The following SEMA6A variants were observed in gnomAD, a reference collection of about 807,000 sequenced individuals.
SEMA6A encodes semaphorin-6A.
In SEMA6A, 25 loss-of-function variants were observed where a neutral mutation model predicts 96.8. The ratio of observed to expected loss-of-function variants is 0.26; its 90% confidence interval spans 0.19 to 0.36. SEMA6A has a LOEUF of 0.36. SEMA6A is among the 10% of genes least tolerant of loss of function. The probability of loss-of-function intolerance (pLI) is 1.00; values close to 1 mark genes in which losing one functional copy is unlikely to be tolerated. For synonymous variants in SEMA6A, 612 were observed against 518.0 expected (o/e 1.18, Z -2.46); for missense variants, 1,363 against 1,323.1 (o/e 1.03, Z -0.47).
At chr5:116,501,237 C>T (rs1307501196) in intron 3 of SEMA6A, among the ~76,000 whole-genome samples, 1 of 152,152 alleles carries the variant, frequency 6.6e-6, no homozygotes, top group Non-Finnish European at 1.5e-5. Flanking sequence ...GCAGAGGATA[C>T]TTATGGCCAG....
At chr5:116,488,592 T>C (rs1757177949) in intron 8 of SEMA6A, among the ~76,000 whole-genome samples, 1 of 152,186 alleles carries the variant, frequency 6.6e-6, no homozygotes, top group East Asian at 1.9e-4. Context: ...CATGAATACA[T>C]TGTTCAGTTC....
intron 1 of SEMA6A, among the ~76,000 whole-genome samples, chr5:116,559,546 C>T (rs1445883529): frequency 6.6e-6 from 1 of 152,172 alleles, no homozygotes; most frequent in East Asian, 1.9e-4. Flanking sequence ...CGCGTTACTC[C>T]ACACCGCCTT....
intron 18 of SEMA6A, among the ~76,000 whole-genome samples, chr5:116,455,554 G>C (rs577195513): frequency 2.0e-5 from 3 of 152,140 alleles, no homozygotes; most frequent in East Asian, 3.9e-4. Flanking sequence ...CTCTCAAAAG[G>C]CATCAAAGCC....
chr5:116,478,266 TG>T, intron 13 of SEMA6A, 112 bp from the exon 14 acceptor site: 1 of 1,291,700 alleles, frequency 7.7e-7, no homozygotes, highest in Non-Finnish European at 1.1e-6. Context: ...TAACTGGCGG[TG>T]AAACAAACAA....
chr5:116,464,516 A>G (rs1013080281), intron 18 of SEMA6A, among the ~76,000 whole-genome samples: 1 of 152,186 alleles, frequency 6.6e-6, no homozygotes, highest in African/African-American at 2.4e-5. Context: ...GTCTCTTCTC[A>G]CGCTTTGTTA....
Position 116,521,826 on chromosome 5 carries a change from A to G in SEMA6A, c.-38-16844T>C, listed in dbSNP as rs1355856420. On this transcript the variant is annotated intron_variant, in intron 1 of 18. Transcript: ENST00000343348. The stretch of plus-strand genomic sequence containing the variant: ...TGTTTCTGAGAAAAACATTTAAAAC[A>G]AAGACTGACTACCCTTTCACTAACA... Among the ~76,000 whole-genome samples, 3 of 151,816 alleles carry G rather than the reference A, an allele frequency of 2.0e-5. No homozygotes were observed. In the East Asian group the frequency reaches 5.8e-4, roughly 29 times the overall value.
intron 1 of SEMA6A, among the ~76,000 whole-genome samples, chr5:116,573,445 G>A (rs1761320878): frequency 6.6e-6 from 1 of 152,144 alleles, no homozygotes; most frequent in African/African-American, 2.4e-5. Flanking sequence ...TGGGAGCTGC[G>A]GCGGGGGACA....
At chr5:116,516,628 T>C (rs1758679285) in intron 1 of SEMA6A, among the ~76,000 whole-genome samples, 1 of 152,206 alleles carries the variant, frequency 6.6e-6, no homozygotes, top group African/African-American at 2.4e-5. Flanking sequence ...TCAGTTTGAA[T>C]TGTGGTGGAG....
At chr5:116,524,231 G>T (rs536193794) in intron 1 of SEMA6A, among the ~76,000 whole-genome samples, 1 of 152,232 alleles carries the variant, frequency 6.6e-6, no homozygotes, top group East Asian at 1.9e-4. Flanking sequence ...TGTGAATACT[G>T]CACGAGGAAG....
In SEMA6A at chr5:116,447,383, G is replaced by A; in HGVS notation, c.2323C>T (p.Arg775Cys). The change falls in exon 19 of 19, where the codon CGC becomes TGC. Residue 775 changes from arginine to cysteine, a missense_variant. By Grantham distance (180) the Arg-to-Cys change is radical (BLOSUM62 -3). Transcript: ENST00000343348. Reference sequence around the variant, plus strand: ...AGGTTCTGGTTCCTCTCCCACTCGCGGCTGCCGCGGCTGGGCTTCCGCTTC... The same window carrying A: ...AGGTTCTGGTTCCTCTCCCACTCGCAGCTGCCGCGGCTGGGCTTCCGCTTC... ...QQKRKPSRGS[R>C]EWERNQNLIN... The A allele has an allele frequency of 6.2e-7, 1 of 1,614,018 alleles. No individual in the cohort carries two copies. Among genetic ancestry groups the A allele is most frequent in the Non-Finnish European group, 8.5e-7 (1 of 1,179,900 alleles).
At chr5:116,552,140 C>T (rs964552817) in intron 1 of SEMA6A, among the ~76,000 whole-genome samples, 4 of 152,222 alleles carry the variant, frequency 2.6e-5, no homozygotes, top group African/African-American at 9.6e-5. Flanking sequence ...GAGCTATAGG[C>T]TTGTTCTTGC....
intron 1 of SEMA6A, among the ~76,000 whole-genome samples, chr5:116,519,963 G>C (rs974912149): frequency 6.6e-6 from 1 of 152,092 alleles, no homozygotes; most frequent in African/African-American, 2.4e-5. Flanking sequence ...TAGAAACATA[G>C]ATCATGTTAT....
At chr5:116,567,399 A>C (rs1313071670) in intron 1 of SEMA6A, among the ~76,000 whole-genome samples, 1 of 152,176 alleles carries the variant, frequency 6.6e-6, no homozygotes, top group East Asian at 1.9e-4. Flanking sequence ...CCTGCCCCCC[A>C]GAATAAAAGT....
At chr5:116,497,110 G>T (rs1049512216) in intron 4 of SEMA6A, among the ~76,000 whole-genome samples, 4 of 152,178 alleles carry the variant, frequency 2.6e-5, no homozygotes, top group African/African-American at 9.7e-5. Context: ...AAATGTATAT[G>T]TACACATATA....
intron 1 of SEMA6A, among the ~76,000 whole-genome samples, chr5:116,539,588 T>TGC (rs1759872360): frequency 3.5e-5 from 5 of 143,872 alleles, no homozygotes; most frequent in Admixed American, 3.4e-4. Context: ...AATAATTCTG[T>TGC]GCGTGTGTGT....
chr5:116,546,465 TTCAG>T (rs1419425131), intron 1 of SEMA6A, among the ~76,000 whole-genome samples: 2 of 152,252 alleles, frequency 1.3e-5, no homozygotes, highest in African/African-American at 4.8e-5. Context: ...CATGTGTTCC[TTCAG>T]TCAGTGTCTC....
rs1308246031 is a variant in SEMA6A at position 116,446,823 on chromosome 5, G to A, written c.2883C>T (p.Pro961=). 2.2e-5 allele frequency: 35 copies of A among 1,613,850 alleles called. No homozygotes were observed. Among genetic ancestry groups the A allele is most frequent in the Middle Eastern group, 1.6e-4 (1 of 6,062 alleles). The stretch of plus-strand genomic sequence containing the variant: ...GGATGGAGTCCACCCTCTGCGGGGC[G>A]GGCGGCGGGTTGTCTCCCCTGCCAA... ...QSFGRGDNPP[P]APQRVDSIQV... Residue 961 remains proline, a synonymous_variant, in exon 19 of 19, where the codon CCC becomes CCT. Coordinates refer to ENST00000343348, the MANE Select transcript of SEMA6A (RefSeq NM_020796.5).
chr5:116,477,768 G>A (rs2112685086), intron 15 of SEMA6A, 78 bp downstream of exon 15: 4 of 1,400,118 alleles, frequency 2.9e-6, no homozygotes, highest in South Asian at 1.2e-5. Flanking sequence ...TGGTGTGTGT[G>A]AGCAGAGCAA....
chr5:116,450,296 A>T (rs529527550), intron 18 of SEMA6A, among the ~76,000 whole-genome samples: 1 of 152,316 alleles, frequency 6.6e-6, no homozygotes, highest in East Asian at 1.9e-4. Flanking sequence ...GTATTTCATG[A>T]AACCCTTCCA....
Sources: allele counts gnomAD v4.1 joint callset (sites outside exome capture counted in the v4.1 genomes callset), GRCh38; gene constraint gnomAD v4.1.1; transcripts MANE v1.5; gene names NCBI Gene and HGNC (gene_info 2026-07-23, HGNC 2026-07-21).